Variants in SLC13A3 observed in about 807,000 individuals in gnomAD.
The protein encoded by SLC13A3 is solute carrier family 13 member 3.
SLC13A3 carries 40 observed loss-of-function variants against 59.0 expected under a neutral mutation model. The ratio of observed to expected loss-of-function variants is 0.68; its 90% confidence interval spans 0.53 to 0.88. The LOEUF is 0.88. SLC13A3 is among the 40% of genes least tolerant of loss of function. The probability of loss-of-function intolerance (pLI) is 0.00; values close to 1 mark genes in which losing one functional copy is unlikely to be tolerated. For synonymous variants in SLC13A3, 317 were observed against 330.3 expected (o/e 0.96, Z 0.44); for missense variants, 699 against 783.2 (o/e 0.89, Z 1.28).
At chr20:46,577,349 AC>A (rs2062089890) in intron 9 of SLC13A3, among the ~76,000 whole-genome samples, 1 of 152,220 alleles carries the variant, frequency 6.6e-6, no homozygotes, top group East Asian at 1.9e-4. Context: ...GGTGTCATAT[AC>A]CTTGAGGGGA....
At chr20:46,608,076 T>C (rs926668198) in intron 3 of SLC13A3, among the ~76,000 whole-genome samples, 2 of 152,098 alleles carry the variant, frequency 1.3e-5, no homozygotes, top group Non-Finnish European at 2.9e-5. Flanking sequence ...AGGGTGACCA[T>C]CAGGCAGTTC....
upstream of SLC13A3, among the ~76,000 whole-genome samples, chr20:46,654,595 T>C (rs149174438): frequency 3.3e-4 from 51 of 152,294 alleles, 1 homozygote; most frequent in East Asian, 9.5e-3. Context: ...AATGGCGCCA[T>C]CTCAGCTCAC....
At chr20:46,626,895 G>A (rs1030602703) in intron 1 of SLC13A3, among the ~76,000 whole-genome samples, 4 of 133,296 alleles carry the variant, frequency 3.0e-5, no homozygotes, top group Admixed American at 7.9e-5. Context: ...TTGACCCCAC[G>A]CACCCCCTTC....
In SLC13A3 at chr20:46,627,230, A is replaced by AG. The variant is rs562618148; in HGVS notation, c.112-13506dup. 2.6e-5 allele frequency among the ~76,000 whole-genome samples: 4 copies of AG among 152,366 alleles called. No homozygotes were observed. In the South Asian group the frequency reaches 8.3e-4, roughly 32 times the overall value. The stretch of plus-strand genomic sequence containing the variant: ...TTTCAGGCATTTCAAACTCATATGC[A>AG]GGGGACAATTTAATGAGTAATATGG... On this transcript the variant is annotated intron_variant, in intron 1 of 12. Coordinates refer to ENST00000279027, the MANE Select transcript of SLC13A3 (RefSeq NM_022829.6).
At chr20:46,579,105 C>G (rs2062109248) in intron 9 of SLC13A3, among the ~76,000 whole-genome samples, 1 of 152,038 alleles carries the variant, frequency 6.6e-6, no homozygotes, top group Admixed American at 6.5e-5. Flanking sequence ...CTCTCTCTTT[C>G]CCTTTGTCTC....
At chr20:46,653,231 A>G (rs748895370), upstream of SLC13A3, among the ~76,000 whole-genome samples, 1 of 152,178 alleles carries the variant, frequency 6.6e-6, no homozygotes, top group Non-Finnish European at 1.5e-5. Context: ...ACTATATATC[A>G]CCAAGCAAAC....
intron 1 of SLC13A3, among the ~76,000 whole-genome samples, chr20:46,663,690 A>G (rs1600628080): frequency 6.6e-6 from 1 of 152,206 alleles, no homozygotes; most frequent in Non-Finnish European, 1.5e-5. Flanking sequence ...AGGTTCTATT[A>G]TATTCCCATT....
chr20:46,644,123 A>C (rs1201884398), intron 1 of SLC13A3, among the ~76,000 whole-genome samples: 1 of 152,198 alleles, frequency 6.6e-6, no homozygotes, highest in East Asian at 1.9e-4. Flanking sequence ...GGAAGTGCTC[A>C]TCTCCGCCCT....
intron 1 of SLC13A3, among the ~76,000 whole-genome samples, chr20:46,631,839 G>A (rs1436948696): frequency 6.6e-6 from 1 of 152,106 alleles, no homozygotes; most frequent in African/African-American, 2.4e-5. Context: ...TTGAGCTGGG[G>A]AATGATTTCC....
At chr20:46,678,661 C>T (rs2063139201) in intron 1 of SLC13A3, among the ~76,000 whole-genome samples, 1 of 152,180 alleles carries the variant, frequency 6.6e-6, no homozygotes, top group Non-Finnish European at 1.5e-5. Flanking sequence ...CATCTTCTCA[C>T]CTTCTAGGAG....
intron 1 of SLC13A3, among the ~76,000 whole-genome samples, chr20:46,667,540 G>A (rs1427322700): frequency 6.6e-6 from 1 of 152,146 alleles, no homozygotes; most frequent in African/African-American, 2.4e-5. Flanking sequence ...CTTACTATTT[G>A]CCAGGCTCCG....
At chr20:46,584,846 G>A (rs1279426126) in intron 8 of SLC13A3, among the ~76,000 whole-genome samples, 2 of 151,754 alleles carry the variant, frequency 1.3e-5, no homozygotes, top group South Asian at 2.1e-4. Flanking sequence ...TTACTGATAA[G>A]AGTAAAAAAA....
chr20:46,584,582 T>C (rs773458955), intron 8 of SLC13A3: 56 of 786,220 alleles, frequency 7.1e-5, no homozygotes, highest in Non-Finnish European at 8.0e-5. Context: ...ATCAGAGAAA[T>C]GCAGATCAAA....
intron 1 of SLC13A3, 78 bp from the exon 2 acceptor site, chr20:46,613,803 A>G (rs1600562323): frequency 1.1e-5 from 9 of 801,214 alleles, no homozygotes; most frequent in Admixed American, 3.5e-5. Flanking sequence ...CTCAGGGCAG[A>G]GGGGGAAGGA....
chr20:46,579,827 A>G (rs781388989), intron 9 of SLC13A3, among the ~76,000 whole-genome samples: 14 of 152,180 alleles, frequency 9.2e-5, no homozygotes, highest in Non-Finnish European at 1.8e-4. Context: ...AAATCAGCAA[A>G]TCTGACTAAA....
intron 6 of SLC13A3, among the ~76,000 whole-genome samples, chr20:46,590,370 T>C (rs1052368163): frequency 6.6e-6 from 1 of 151,888 alleles, no homozygotes; most frequent in African/African-American, 2.4e-5. Context: ...AAAAGCACCA[T>C]AAGCAAAGCC....
intron 1 of SLC13A3, among the ~76,000 whole-genome samples, chr20:46,629,496 AT>A (rs2122805079): frequency 6.6e-6 from 1 of 151,882 alleles, no homozygotes; most frequent in East Asian, 1.9e-4. Flanking sequence ...TTTCCATTTT[AT>A]TTTTTTCTTC....
At chr20:46,655,818 C>CTGTACAGTATATATTATACTGTATATAA (rs1334707044), upstream of SLC13A3, among the ~76,000 whole-genome samples, 1 of 137,844 alleles carries the variant, frequency 7.3e-6, no homozygotes, top group African/African-American at 2.7e-5. Context: ...ACTGTATATA[C>CTGTACAGTATATATTATACTGTATATAA]TATATATACT....
intron 4 of SLC13A3, among the ~76,000 whole-genome samples, chr20:46,598,092 A>AT (rs1462744898): frequency 6.6e-6 from 1 of 152,238 alleles, no homozygotes; most frequent in African/African-American, 2.4e-5. Flanking sequence ...TAACAAATCA[A>AT]TTTTTTTAAA....
Sources: gnomAD v4.1 joint callset for allele counts (sites outside exome capture counted in the v4.1 genomes callset) on GRCh38, gnomAD v4.1.1 for gene constraint, MANE v1.5 for transcripts, NCBI Gene and HGNC (gene_info 2026-07-23, HGNC 2026-07-21) for gene names.